Variants in FAF1 observed in about 807,000 individuals in gnomAD.
The protein encoded by FAF1 is FAS-associated factor 1.
FAF1 carries 25 observed loss-of-function variants against 92.5 expected under a neutral mutation model. The observed-to-expected ratio is 0.27, with a 90% CI of 0.20 to 0.38. The LOEUF is 0.38. Ranked by LOEUF, FAF1 falls within the 10% of genes least tolerant of loss-of-function variation. The pLI is 1.00. For missense variants in FAF1, 636 were observed against 793.3 expected (o/e 0.80, Z 2.38); for synonymous variants, 234 against 273.2 (o/e 0.86, Z 1.42).
intron 18 of FAF1, among the ~76,000 whole-genome samples, chr1:50,457,944 T>C (rs1436365870): frequency 1.3e-5 from 2 of 150,476 alleles, no homozygotes; most frequent in African/African-American, 4.9e-5. Context: ...CCGGGCGCGG[T>C]GGCTCACACC....
intron 9 of FAF1, among the ~76,000 whole-genome samples, chr1:50,585,043 C>T (rs1381662015): frequency 6.6e-6 from 1 of 152,128 alleles, no homozygotes; most frequent in African/African-American, 2.4e-5. Flanking sequence ...AGAATGCTTA[C>T]AAACTAAATA....
intron 9 of FAF1, among the ~76,000 whole-genome samples, chr1:50,590,510 G>C (rs919735717): frequency 1.3e-5 from 2 of 152,174 alleles, no homozygotes; most frequent in African/African-American, 2.4e-5. Flanking sequence ...GTATTTTGCT[G>C]AATTCATTTT....
intron 8 of FAF1, among the ~76,000 whole-genome samples, chr1:50,636,378 C>CA (rs1654009277): frequency 7.8e-6 from 1 of 128,842 alleles, no homozygotes; most frequent in Non-Finnish European, 1.6e-5. Flanking sequence ...TGGGGCGTGT[C>CA]CTTTTTTTTT....
At chr1:50,529,048 T>C (rs976474407) in intron 15 of FAF1, among the ~76,000 whole-genome samples, 3 of 152,216 alleles carry the variant, frequency 2.0e-5, no homozygotes, top group African/African-American at 4.8e-5. Flanking sequence ...AGTAGGCTGT[T>C]AGTAGTTAAG....
intron 8 of FAF1, among the ~76,000 whole-genome samples, chr1:50,620,359 T>C (rs2124173331): frequency 6.6e-6 from 1 of 152,376 alleles, no homozygotes; most frequent in African/African-American, 2.4e-5. Context: ...CTGTTGTTCA[T>C]ACTTGTATTG....
intron 15 of FAF1, among the ~76,000 whole-genome samples, chr1:50,504,731 C>A (rs573393928): frequency 1.8e-4 from 27 of 152,318 alleles, no homozygotes; most frequent in African/African-American, 6.5e-4. Flanking sequence ...ACTGAAGCCA[C>A]CTCACCTATA....
At chr1:50,842,489 A>G (rs1415827700) in intron 2 of FAF1, among the ~76,000 whole-genome samples, 1 of 152,106 alleles carries the variant, frequency 6.6e-6, no homozygotes, top group Non-Finnish European at 1.5e-5. Flanking sequence ...GAATTATCAA[A>G]CTAAAATATT....
chr1:50,594,075 G>A (rs1402449695), intron 9 of FAF1, among the ~76,000 whole-genome samples: 2 of 152,054 alleles, frequency 1.3e-5, no homozygotes, highest in African/African-American at 4.8e-5. Context: ...CACTTTGGAG[G>A]GCTGAGGAGG....
chr1:50,688,474 A>C (rs750672859), intron 7 of FAF1, among the ~76,000 whole-genome samples: 15 of 152,202 alleles, frequency 9.9e-5, no homozygotes, highest in Non-Finnish European at 1.6e-4. Context: ...GATAAACAAA[A>C]TGTGGTACTT....
intron 15 of FAF1, among the ~76,000 whole-genome samples, chr1:50,533,214 G>A (rs940461189): frequency 6.6e-6 from 1 of 151,892 alleles, no homozygotes; most frequent in Non-Finnish European, 1.5e-5. Flanking sequence ...TGGGACTACA[G>A]GCACGCAACA....
intron 2 of FAF1, among the ~76,000 whole-genome samples, chr1:50,822,500 CA>C (rs1437910155): frequency 1.3e-5 from 2 of 152,180 alleles, no homozygotes; most frequent in Non-Finnish European, 2.9e-5. Flanking sequence ...GTGTGACAGT[CA>C]CCTACTTCTC....
At chr1:50,694,661 G>T (rs908254334) in intron 7 of FAF1, among the ~76,000 whole-genome samples, 1 of 151,618 alleles carries the variant, frequency 6.6e-6, no homozygotes, top group Non-Finnish European at 1.5e-5. Context: ...GTTATGGCAT[G>T]TAGGCCAGGC....
chr1:50,612,997 T>C lies in FAF1; in HGVS notation c.745-16781A>G, dbSNP rs190672538. Among the ~76,000 whole-genome samples, 39 of 152,320 alleles carry C rather than the reference T, an allele frequency of 2.6e-4. 1 individual carries two copies. The highest frequency in any genetic ancestry group is 8.7e-4 in the African/African-American group (36 of 41,570). On this transcript the variant is annotated intron_variant, in intron 8 of 18. Coordinates refer to ENST00000396153, the MANE Select transcript of FAF1 (RefSeq NM_007051.3). ...ACACAGCCTGGATCTTATATTCTCA[T>C]TTTTAGCTGCCATGGGGCTCTTAGT...
intron 6 of FAF1, among the ~76,000 whole-genome samples, chr1:50,706,329 TCA>T (rs1021344305): frequency 1.3e-5 from 2 of 152,168 alleles, no homozygotes; most frequent in Non-Finnish European, 2.9e-5. Context: ...GAATCTGATT[TCA>T]GTCAAAATTC....
intron 1 of FAF1, among the ~76,000 whole-genome samples, chr1:50,943,164 C>G (rs541945352): frequency 6.6e-6 from 1 of 152,206 alleles, no homozygotes; most frequent in Non-Finnish European, 1.5e-5. Flanking sequence ...ATCAGGCACT[C>G]TGATTAATCC....
chr1:50,563,435 A>G (rs1343938085), intron 13 of FAF1, among the ~76,000 whole-genome samples: 1 of 152,084 alleles, frequency 6.6e-6, no homozygotes. Flanking sequence ...TTAAAAAAAA[A>G]AAAAGAAATT....
chr1:50,952,318 C>A (rs529633689), intron 1 of FAF1, among the ~76,000 whole-genome samples: 2 of 152,222 alleles, frequency 1.3e-5, no homozygotes, highest in Admixed American at 1.3e-4. Flanking sequence ...CCGTGTTGGC[C>A]GGGCTGGTTT....
In FAF1 at chr1:50,899,409, G is replaced by T. The variant is rs138203708; in HGVS notation, c.46-41412C>A. On this transcript the variant is annotated intron_variant, in intron 1 of 18. Coordinates refer to ENST00000396153, the MANE Select transcript of FAF1 (RefSeq NM_007051.3). ...GCTTCTTACATGCTTGGTAATTTTT[G>T]ATTGGGTCCAAATACTGTGACTTTT... Among the ~76,000 whole-genome samples the T allele has an allele frequency of 2.6e-5, 4 of 152,100 alleles. No homozygotes were observed. In the East Asian group the frequency reaches 7.7e-4, roughly 29 times the overall value.
intron 1 of FAF1, among the ~76,000 whole-genome samples, chr1:50,895,770 G>A (rs542423146): frequency 1.3e-4 from 19 of 151,982 alleles, no homozygotes; most frequent in Admixed American, 2.6e-4. Flanking sequence ...ACATCATATC[G>A]ACAGAATGAA....
Sources: gnomAD v4.1 joint callset for allele counts (sites outside exome capture counted in the v4.1 genomes callset) on GRCh38, gnomAD v4.1.1 for gene constraint, MANE v1.5 for transcripts, NCBI Gene and HGNC (gene_info 2026-07-23, HGNC 2026-07-21) for gene names.